WWOX: variants seen among roughly 807,000 people sequenced by gnomAD.
WWOX encodes the protein WW domain containing oxidoreductase.
WWOX carries 69 observed loss-of-function variants against 46.2 expected under a neutral mutation model. The ratio of observed to expected loss-of-function variants is 1.49; its 90% CI spans 1.23 to 1.82. WWOX has a LOEUF of 1.82. WWOX is among the 40% of genes most tolerant of loss of function. The probability of loss-of-function intolerance (pLI) is 0.00; values close to 1 mark genes in which losing one functional copy is unlikely to be tolerated. For synonymous variants in WWOX, 359 were observed against 202.6 expected, an observed-to-expected ratio of 1.77 and a Z score of -6.56; for missense variants, 919 against 542.6, an observed-to-expected ratio of 1.69 and a Z score of -6.89.
rs1567553310 is a variant in WWOX at position 78,406,310 on chromosome 16, ATATATATATATATAT to A, written c.606-18559_606-18545del. Among the ~76,000 whole-genome samples, 102 of 33,454 alleles carry A rather than the reference ATATATATATATATAT, an allele frequency of 3.0e-3. 2 individuals are homozygous for A. The Middle Eastern group carries it at 0.04, about 13-fold the overall frequency. 21.9% of individuals were successfully genotyped at this position (33,454 alleles called of 152,430 possible). ...TTACAGCATATAAATATAAATATAT[ATATATATATATATAT>A]ATATATATATATATATATATATATA... On this transcript the variant is annotated intron_variant, in intron 6 of 8. Coordinates refer to ENST00000566780, the MANE Select transcript of WWOX (RefSeq NM_016373.4).
intron 5 of WWOX, among the ~76,000 whole-genome samples, chr16:78,369,948 C>T (rs1428882428): frequency 1.3e-5 from 2 of 152,124 alleles, no homozygotes; most frequent in East Asian, 3.9e-4. Flanking sequence ...GCCTGGCCAA[C>T]ATGGTGAAAC....
chr16:79,111,880 A>G (rs987342921), intron 8 of WWOX, among the ~76,000 whole-genome samples: 1 of 152,194 alleles, frequency 6.6e-6, no homozygotes, highest in African/African-American at 2.4e-5. Context: ...CCTGAATTCC[A>G]GTCCTCAAGC....
chr16:79,205,858 C>G (rs1473296005), intron 8 of WWOX: 4 of 152,126 alleles, frequency 2.6e-5, no homozygotes, highest in Non-Finnish European at 4.4e-5. Flanking sequence ...ATGAAACACT[C>G]CAGAGCCCGC....
rs377364231 is a variant in WWOX, at chr16:78,969,861, A to T, written c.1057-241747A>T. Among the ~76,000 whole-genome samples, 9 of 152,282 alleles carry T rather than the reference A, an allele frequency of 5.9e-5. No homozygotes were observed. In the East Asian group the frequency reaches 1.2e-3, roughly 20 times the overall value. On this transcript the variant is annotated intron_variant, in intron 8 of 8. Transcript: ENST00000566780. The stretch of plus-strand genomic sequence containing the variant: ...CTGGGGATGGGGCGTGGATGGAGGC[A>T]TTTGGGATTAACAGCTAAAGATAGC...
At chr16:78,242,296 T>C (rs1418759884) in intron 5 of WWOX, among the ~76,000 whole-genome samples, 2 of 152,214 alleles carry the variant, frequency 1.3e-5, no homozygotes, top group African/African-American at 4.8e-5. Flanking sequence ...AGCCCAGCTA[T>C]TTAACTTAAG....
At chr16:78,916,261 G>A (rs8048717) in intron 8 of WWOX, among the ~76,000 whole-genome samples, 2 of 152,158 alleles carry the variant, frequency 1.3e-5, no homozygotes, top group South Asian at 2.1e-4. Flanking sequence ...TTTAATCAGC[G>A]CTTTCTACTG....
At chr16:78,572,650 C>T (rs1170348265) in intron 8 of WWOX, among the ~76,000 whole-genome samples, 1 of 124,624 alleles carries the variant, frequency 8.0e-6, no homozygotes, top group Non-Finnish European at 1.7e-5. Context: ...AGAATATATA[C>T]AGTATGATTC....
In WWOX at chr16:78,417,383, A is replaced by AT. The variant is rs1257277734; in HGVS notation, c.606-7486dup. ...GCTGAGATTACAGGCATGAGCCACC[A>AT]TATCTGGCCTATGTTAGCTATTTCT... On this transcript the variant is annotated intron_variant, in intron 6 of 8. Transcript: ENST00000566780. 2.0e-5 allele frequency among the ~76,000 whole-genome samples: 3 copies of AT among 152,170 alleles called. No individual in the cohort carries two copies. The East Asian group carries it at 5.8e-4, about 29-fold the overall frequency.
chr16:79,048,230 T>C (rs1184839801), intron 8 of WWOX, among the ~76,000 whole-genome samples: 3 of 152,194 alleles, frequency 2.0e-5, no homozygotes, highest in Non-Finnish European at 4.4e-5. Flanking sequence ...CTGACCTGTG[T>C]AGAGCTTGGA....
At chr16:78,707,928 A>G (rs2048358289) in intron 8 of WWOX, among the ~76,000 whole-genome samples, 1 of 152,238 alleles carries the variant, frequency 6.6e-6, no homozygotes, top group Non-Finnish European at 1.5e-5. Context: ...CGGTTGGTGC[A>G]AAAGCAATCG....
intron 8 of WWOX, among the ~76,000 whole-genome samples, chr16:78,953,116 G>A (rs578150993): frequency 6.6e-6 from 1 of 151,818 alleles, no homozygotes; most frequent in Non-Finnish European, 1.5e-5. Context: ...TCAATCATCA[G>A]TGACCACTCC....
At chr16:78,734,530 A>T (rs994812842) in intron 8 of WWOX, among the ~76,000 whole-genome samples, 8 of 152,014 alleles carry the variant, frequency 5.3e-5, no homozygotes, top group Non-Finnish European at 8.8e-5. Context: ...GGGACCTCAG[A>T]CCTTGGACCT....
chr16:78,940,329 T>C (rs1430240729), intron 8 of WWOX, among the ~76,000 whole-genome samples: 4 of 152,226 alleles, frequency 2.6e-5, no homozygotes, highest in Non-Finnish European at 5.9e-5. Flanking sequence ...TTGCTCGCTA[T>C]AGAAGAAGAA....
chr16:79,067,425 T>C (rs1189698308), intron 8 of WWOX, among the ~76,000 whole-genome samples: 1 of 152,082 alleles, frequency 6.6e-6, no homozygotes, highest in Non-Finnish European at 1.5e-5. Context: ...CTTAAAAACT[T>C]TATGAAAACT....
intron 8 of WWOX, among the ~76,000 whole-genome samples, chr16:78,533,956 C>G (rs150503458): frequency 6.6e-6 from 1 of 152,104 alleles, no homozygotes; most frequent in African/African-American, 2.4e-5. Context: ...AGAGTAGTAA[C>G]CCTACATTCT....
Position 78,527,990 on chromosome 16 carries a change from C to CTTTTT in WWOX, c.1056+95238_1056+95239insTTTTT, listed in dbSNP as rs1348624411. The stretch of plus-strand genomic sequence containing the variant: ...GCTATGTCACAGGACTGGTACATGT[C>CTTTTT]CTTTTTTTTTTTTTTTTTTTTTTTT... On this transcript the variant is annotated intron_variant, in intron 8 of 8. Coordinates refer to ENST00000566780, the MANE Select transcript of WWOX (RefSeq NM_016373.4). Among the ~76,000 whole-genome samples, 4 of 57,978 alleles carry CTTTTT rather than the reference C, an allele frequency of 6.9e-5. No individual in the cohort carries two copies. In the East Asian group the frequency reaches 2.2e-3, roughly 32 times the overall value. The allele number at this position is 57,978 out of a possible 152,430, so 38.0% of individuals were successfully genotyped here. A position where few individuals can be genotyped will look rare whatever the true frequency, so the allele number is the denominator to read the frequency against.
chr16:78,237,816 T>C (rs186479074), intron 5 of WWOX: 2 of 152,378 alleles, frequency 1.3e-5, no homozygotes, highest in Non-Finnish European at 2.9e-5. Context: ...TCTCCTGTTA[T>C]GTAAATACCT....
intron 6 of WWOX, among the ~76,000 whole-genome samples, chr16:78,415,267 C>T (rs1597197772): frequency 2.0e-5 from 3 of 152,046 alleles, no homozygotes; most frequent in Admixed American, 2.0e-4. Context: ...TGTCATGGTG[C>T]TGGTGGGAGT....
chr16:78,108,572 G>A, intron 2 of WWOX, 85 bp downstream of exon 2: 2 of 1,486,404 alleles, frequency 1.3e-6, no homozygotes, highest in South Asian at 1.2e-5. Flanking sequence ...ACAGGTTATT[G>A]TGTGTTTAGG....
Sources: gnomAD v4.1 joint callset for allele counts (sites outside exome capture counted in the v4.1 genomes callset) on GRCh38, gnomAD v4.1.1 for gene constraint, MANE v1.5 for transcripts, NCBI Gene and HGNC (gene_info 2026-07-23, HGNC 2026-07-21) for gene names.